FLNB: variants seen among roughly 807,000 people sequenced by gnomAD.
FLNB encodes the protein filamin B.
Under a neutral mutation model 250.6 loss-of-function variants are expected in FLNB, and 111 were observed. The ratio of observed to expected loss-of-function variants is 0.44; its 90% CI spans 0.38 to 0.52. FLNB has a LOEUF of 0.52. Ranked by LOEUF, FLNB falls within the 20% of genes least tolerant of loss-of-function variation. FLNB has a pLI of 0.00. For synonymous variants in FLNB, 1,302 were observed against 1,372.1 expected, an observed-to-expected ratio of 0.95 and a Z score of 1.13; for missense variants, 2,869 against 3,447.8, an observed-to-expected ratio of 0.83 and a Z score of 4.20.
chr3:58,094,794 C>A, intron 4 of FLNB, 42 bp from the exon 5 acceptor site: 3 of 1,540,080 alleles, frequency 1.9e-6, no homozygotes, highest in Non-Finnish European at 2.7e-6. Context: ...TCATGACACA[C>A]CCTCGCCTGG....
chr3:58,073,234 A>G (rs1408677471), intron 1 of FLNB, among the ~76,000 whole-genome samples: 1 of 152,020 alleles, frequency 6.6e-6, no homozygotes, highest in Non-Finnish European at 1.5e-5. Context: ...ACTTAAAGGA[A>G]TTGGCATGGA....
chr3:58,116,125 G>A (rs2097277426), intron 18 of FLNB, among the ~76,000 whole-genome samples: 1 of 152,082 alleles, frequency 6.6e-6, no homozygotes, highest in African/African-American at 2.4e-5. Context: ...ATCTGGTAGA[G>A]GAGTGATGCC....
In FLNB at chr3:58,148,326, A is replaced by C; in HGVS notation, c.5849A>C (p.Glu1950Ala). ...ATTAAGGCCCCATCTGGCCGAGACG[A>C]GCCCTGTCTCCTGAAGAGGCTGCCC... ...ASIKAPSGRDEPCLLKRLPNN... is the reference protein window; with the variant it reads ...ASIKAPSGRDAPCLLKRLPNN... Residue 1950 changes from glutamate (E) to alanine (A), a missense_variant, in exon 35 of 46, where the codon GAG (glutamate) becomes GCG (alanine). Transcript: ENST00000295956. 6.2e-7 allele frequency: 1 copy of C among 1,614,028 alleles called. No individual in the cohort carries two copies.
chr3:58,148,692 C>T lies in FLNB; in HGVS notation c.5931C>T (p.Ser1977=), dbSNP rs747004862. 4 of 1,614,136 alleles carry T rather than the reference C, an allele frequency of 2.5e-6. No homozygotes were observed. The highest frequency in any genetic ancestry group is 2.2e-5 in the East Asian group (1 of 44,884). The stretch of plus-strand genomic sequence containing the variant: ...GGGAAGTGGGCGAACATCTGGTCAG[C>T]ATCAAGAAAAATGGCAACCATGTGG... ...IPREVGEHLV[S]IKKNGNHVAN... is the part of the protein sequence containing the mutation. The change falls in exon 36 of 46, where the codon AGC becomes AGT. Residue 1977 remains serine (S), a synonymous_variant. Transcript: ENST00000295956.
Position 58,169,902 on chromosome 3 carries a change from G to A in FLNB, c.7621+109G>A, listed in dbSNP as rs909093792. 7 of 761,994 alleles carry A rather than the reference G, an allele frequency of 9.2e-6. No homozygotes were observed. The highest frequency in any genetic ancestry group is 1.3e-5 in the Non-Finnish European group (6 of 459,650). 47.2% of individuals were successfully genotyped at this position (761,994 alleles called of 1,614,324 possible). A position where few individuals can be genotyped will look rare whatever the true frequency, so the allele number is the denominator to read the frequency against. ...CTCCTGCAGTGCCCACCCCCATGTA[G>A]GCCAGCCGTTTGCAAGTAACCATCG... On this transcript the variant is annotated intron_variant, in intron 45 of 45. Coordinates refer to ENST00000295956, the MANE Select transcript of FLNB (RefSeq NM_001457.4). This position sits in a 1 kb window ranked among gnomAD's most constrained non-coding sequence, Gnocchi z 4.8.
Position 58,111,900 on chromosome 3 carries a change from G to C in FLNB, c.2575+19G>C. ...AAAGCAGGTAAGATGGCACGTCTAG[G>C]TTGTCCTGGGCCCCTCTGCCAGCCG... On this transcript the variant is annotated intron_variant, in intron 17 of 45. Coordinates refer to ENST00000295956, the MANE Select transcript of FLNB (RefSeq NM_001457.4). The C allele has an allele frequency of 1.2e-6, 2 of 1,601,316 alleles. No individual in the cohort carries two copies. Among genetic ancestry groups the C allele is most frequent in the South Asian group, 2.2e-5 (2 of 90,762 alleles).
rs760794234 is a variant in FLNB, at chr3:58,105,100, G to A, written c.1631G>A (p.Gly544Asp). The change falls in exon 11 of 46, where the codon GGC becomes GAC. Residue 544 changes from glycine to aspartate, a missense_variant. By Grantham distance (94) the Gly-to-Asp change is moderately conservative (BLOSUM62 -1). This residue lies in a region of FLNB where 1,348 missense variants were observed against 1,466.7 expected (regional missense o/e 0.92). Coordinates refer to ENST00000295956, the MANE Select transcript of FLNB (RefSeq NM_001457.4). ...IPKSPFEVQVGPEAGMQKVRA... is the reference protein window; with the variant it reads ...IPKSPFEVQVDPEAGMQKVRA... The stretch of plus-strand genomic sequence containing the variant: ...TGTAGCCCCTTTGAAGTTCAAGTTG[G>A]CCCTGAAGCGGGTATGCAGAAAGTC... The A allele has an allele frequency of 5.6e-6, 9 of 1,614,184 alleles. No individual in the cohort carries two copies. The South Asian group carries it at 8.8e-5, about 16-fold the overall frequency.
chr3:58,057,101 G>A (rs945617009), intron 1 of FLNB, among the ~76,000 whole-genome samples: 1 of 152,078 alleles, frequency 6.6e-6, no homozygotes, highest in African/African-American at 2.4e-5. Context: ...TCAGTCTCCT[G>A]AGTAGCTGGG....
chr3:58,049,871 G>A (rs1392039583), intron 1 of FLNB, among the ~76,000 whole-genome samples: 1 of 152,148 alleles, frequency 6.6e-6, no homozygotes, highest in Non-Finnish European at 1.5e-5. Flanking sequence ...GAGAAAACGT[G>A]TAATCTGTGG....
chr3:58,092,812 A>G (rs896656109), intron 4 of FLNB, among the ~76,000 whole-genome samples: 3 of 152,184 alleles, frequency 2.0e-5, no homozygotes, highest in Non-Finnish European at 4.4e-5. Context: ...AACTTTTCTC[A>G]TCTTCTCTAC....
At chr3:58,058,889 A>C (rs1354438991) in intron 1 of FLNB, among the ~76,000 whole-genome samples, 2 of 152,116 alleles carry the variant, frequency 1.3e-5, no homozygotes, top group Admixed American at 1.3e-4. Flanking sequence ...TGTTTGGGAG[A>C]CTTGTTCATA....
At chr3:58,156,581 C>T (rs2097353665) in intron 41 of FLNB, among the ~76,000 whole-genome samples, 2 of 152,182 alleles carry the variant, frequency 1.3e-5, no homozygotes, top group Non-Finnish European at 2.9e-5. Context: ...CAAGTAGGTT[C>T]TCTTGACCCC....
chr3:58,070,763 G>A (rs775978051), intron 1 of FLNB, among the ~76,000 whole-genome samples: 5 of 151,042 alleles, frequency 3.3e-5, no homozygotes, highest in Non-Finnish European at 7.4e-5. Context: ...GGGTTCAGGC[G>A]ATTCTCTTGC....
At chr3:58,145,852 C>G in intron 32 of FLNB, 69 bp from the exon 33 acceptor site, 1 of 1,605,078 alleles carries the variant, frequency 6.2e-7, no homozygotes, top group East Asian at 2.2e-5. Flanking sequence ...CGTCAAGATG[C>G]CAGTTGTCCA....
intron 1 of FLNB, among the ~76,000 whole-genome samples, chr3:58,057,849 G>A (rs1020468942): frequency 6.6e-6 from 1 of 152,058 alleles, no homozygotes; most frequent in South Asian, 2.1e-4. Context: ...GGAGTGCAGT[G>A]GAACAGTCTC....
chr3:58,017,294 A>C (rs1176842037), intron 1 of FLNB, among the ~76,000 whole-genome samples: 1 of 152,192 alleles, frequency 6.6e-6, no homozygotes, highest in African/African-American at 2.4e-5. Flanking sequence ...CTTGTCATCC[A>C]GGCTGGAGTG....
chr3:58,071,354 C>T (rs905423260), intron 1 of FLNB, among the ~76,000 whole-genome samples: 1 of 145,804 alleles, frequency 6.9e-6, no homozygotes. Flanking sequence ...TCTTGGCTCA[C>T]TGTAGCCTAT....
In FLNB at chr3:58,169,402, G is replaced by A. The variant is rs2097377197; in HGVS notation, c.7418-188G>A. ...CATTTGCCCAGAAAGCCAGATCCTAGTTGTATGGGGGTGGGATCCTAGGGG... is the reference window on the plus strand; with the variant it reads ...CATTTGCCCAGAAAGCCAGATCCTAATTGTATGGGGGTGGGATCCTAGGGG... On this transcript the variant is annotated intron_variant, in intron 44 of 45. Coordinates refer to ENST00000295956, the MANE Select transcript of FLNB (RefSeq NM_001457.4). The surrounding 1 kb of genome is among the most constrained non-coding windows in gnomAD (Gnocchi z 4.8). 3.2e-6 allele frequency: 2 copies of A among 632,296 alleles called. No individual in the cohort carries two copies. Among genetic ancestry groups the A allele is most frequent in the African/African-American group, 1.8e-5 (1 of 55,390 alleles). 39.2% of individuals were successfully genotyped at this position (632,296 alleles called of 1,614,324 possible).
chr3:58,102,815 T>C (rs2097253257), intron 9 of FLNB, among the ~76,000 whole-genome samples: 1 of 152,232 alleles, frequency 6.6e-6, no homozygotes, highest in African/African-American at 2.4e-5. Flanking sequence ...TCAGTGCTTA[T>C]AGAAGGAGAA....
Sources: gnomAD v4.1 joint callset for allele counts (sites outside exome capture counted in the v4.1 genomes callset) on GRCh38, gnomAD v4.1.1 for gene constraint, gnomAD v4.1.1 regional missense constraint, Gnocchi (gnomAD v3.1) non-coding constraint, MANE v1.5 for transcripts, NCBI Gene and HGNC (gene_info 2026-07-23, HGNC 2026-07-21) for gene names.